Variants in IQCM observed in about 807,000 individuals in gnomAD.
The protein encoded by IQCM is IQ domain-containing protein M.
Under a neutral mutation model 57.6 loss-of-function variants are expected in IQCM, and 45 were observed. That is an observed-to-expected ratio of 0.78 (90% CI 0.62 to 1.00). The LOEUF (loss-of-function observed/expected upper bound fraction) is 1.00, where lower values mean the gene tolerates loss of function less well. IQCM is among the 50% of genes least tolerant of loss of function. The pLI is 0.00. For synonymous variants in IQCM, 148 were observed against 158.9 expected, an observed-to-expected ratio of 0.93 and a Z score of 0.51; for missense variants, 468 against 511.6, an observed-to-expected ratio of 0.91 and a Z score of 0.82.
intron 2 of IQCM, among the ~76,000 whole-genome samples, chr4:149,750,047 T>C (rs1198265438): frequency 6.6e-6 from 1 of 152,210 alleles, no homozygotes; most frequent in African/African-American, 2.4e-5. Context: ...GAGTTCCTAA[T>C]ATTTATTTGG....
chr4:149,808,160 T>C (rs566109135), intron 2 of IQCM, among the ~76,000 whole-genome samples: 3 of 152,260 alleles, frequency 2.0e-5, no homozygotes, highest in African/African-American at 7.2e-5. Flanking sequence ...AGATATGGAA[T>C]CAACCTAAGT....
intron 11 of IQCM, among the ~76,000 whole-genome samples, chr4:149,552,592 T>A (rs543863352): frequency 6.6e-6 from 1 of 152,308 alleles, no homozygotes; most frequent in East Asian, 1.9e-4. Context: ...CCATTAACTA[T>A]TATTCTGGTA....
chr4:149,559,340 G>C (rs569386480), intron 10 of IQCM, among the ~76,000 whole-genome samples: 1 of 152,096 alleles, frequency 6.6e-6, no homozygotes, highest in Non-Finnish European at 1.5e-5. Flanking sequence ...TTCTAAGAAC[G>C]TTATTAATCT....
At chr4:149,770,627 A>G (rs913807475) in intron 2 of IQCM, among the ~76,000 whole-genome samples, 1 of 152,112 alleles carries the variant, frequency 6.6e-6, no homozygotes, top group African/African-American at 2.4e-5. Flanking sequence ...ACAATAAAAT[A>G]TAATGAATGT....
chr4:149,649,166 C>G (rs1355944681), intron 7 of IQCM, among the ~76,000 whole-genome samples: 3 of 151,936 alleles, frequency 2.0e-5, no homozygotes, highest in Non-Finnish European at 4.4e-5. Context: ...AACAAAGAAT[C>G]CTCCCACCCC....
intron 12 of IQCM, among the ~76,000 whole-genome samples, chr4:149,457,288 C>A (rs1737803560): frequency 6.6e-6 from 1 of 152,056 alleles, no homozygotes; most frequent in South Asian, 2.1e-4. Context: ...CAGATGTACA[C>A]AGGCCCTGGA....
intron 13 of IQCM, among the ~76,000 whole-genome samples, chr4:149,398,560 G>A (rs1018738595): frequency 2.6e-5 from 4 of 151,936 alleles, no homozygotes; most frequent in Admixed American, 2.6e-4. Context: ...TAGTTTTTCA[G>A]TATGTTAGTC....
intron 13 of IQCM, among the ~76,000 whole-genome samples, chr4:149,361,907 A>T (rs933728267): frequency 6.6e-5 from 10 of 152,114 alleles, no homozygotes; most frequent in African/African-American, 2.4e-4. Context: ...GTGCCTGGAA[A>T]AGCTGCAGAC....
Position 149,682,148 on chromosome 4 carries a change from T to C in IQCM, c.535A>G (p.Thr179Ala). Residue 179 changes from threonine (T) to alanine (A), a missense_variant, in exon 7 of 14, where the codon ACC becomes GCC. Physicochemically the swap from Thr to Ala is moderately conservative, Grantham distance 58 (BLOSUM62 0). Transcript: ENST00000636793. ...TCTTTCAGAAGTTCCAAGTTAGAGG[T>C]CCCAGGTTGTAAGTAAAGATGGACA... is the stretch of plus-strand genomic sequence containing the variant. ...FPVHLYLQPG[T>A]SNLELLKEPD... 8.2e-7 allele frequency: 1 copy of C among 1,224,656 alleles called. No individual in the cohort carries two copies. The highest frequency in any genetic ancestry group is 1.0e-6 in the Non-Finnish European group (1 of 981,678). 75.9% of individuals were successfully genotyped at this position (1,224,656 alleles called of 1,614,324 possible). A position where few individuals can be genotyped will look rare whatever the true frequency, so the allele number is the denominator to read the frequency against.
At chr4:149,766,181 C>G (rs1216549802) in intron 2 of IQCM, among the ~76,000 whole-genome samples, 1 of 152,054 alleles carries the variant, frequency 6.6e-6, no homozygotes, top group East Asian at 1.9e-4. Context: ...TTATTGCTGT[C>G]AAATTATGCC....
intron 7 of IQCM, among the ~76,000 whole-genome samples, chr4:149,653,723 C>T (rs1466550988): frequency 6.6e-6 from 1 of 151,986 alleles, no homozygotes; most frequent in African/African-American, 2.4e-5. Context: ...GAAATGTGGA[C>T]CTGTACATTT....
At chr4:149,354,688 GTTC>G (rs778840312) in intron 13 of IQCM, among the ~76,000 whole-genome samples, 4 of 152,052 alleles carry the variant, frequency 2.6e-5, no homozygotes, top group Non-Finnish European at 4.4e-5. Flanking sequence ...CCAAGTTCAT[GTTC>G]TTATACATTT....
chr4:149,577,424 G>T (rs143194968), intron 9 of IQCM, among the ~76,000 whole-genome samples: 2 of 152,050 alleles, frequency 1.3e-5, no homozygotes, highest in African/African-American at 4.8e-5. Flanking sequence ...TGAAAGGAAT[G>T]ATCCAGTTTT....
chr4:149,551,858 G>T (rs978841933), intron 11 of IQCM, among the ~76,000 whole-genome samples: 2 of 134,454 alleles, frequency 1.5e-5, no homozygotes, highest in African/African-American at 2.9e-5. Flanking sequence ...AATGGGAGAA[G>T]GATCTTCTCT....
At chr4:149,543,213 G>C (rs1748030267) in intron 12 of IQCM, among the ~76,000 whole-genome samples, 1 of 151,714 alleles carries the variant, frequency 6.6e-6, no homozygotes, top group Admixed American at 6.6e-5. Flanking sequence ...ATACATTATA[G>C]AACATCCATA....
chr4:149,446,230 C>T (rs932769867), intron 12 of IQCM, among the ~76,000 whole-genome samples: 1 of 151,592 alleles, frequency 6.6e-6, no homozygotes, highest in African/African-American at 2.4e-5. Flanking sequence ...TTTGGTGACT[C>T]TTATGAACTC....
chr4:149,626,685 AC>A (rs893328699), intron 7 of IQCM, among the ~76,000 whole-genome samples: 73 of 152,186 alleles, frequency 4.8e-4, no homozygotes, highest in African/African-American at 1.6e-3. Flanking sequence ...ATGGTCTGTT[AC>A]CTTTGGCTGT....
chr4:149,800,541 G>A (rs1773510135), intron 2 of IQCM, among the ~76,000 whole-genome samples: 1 of 151,794 alleles, frequency 6.6e-6, no homozygotes, highest in African/African-American at 2.4e-5. Context: ...AACTGGAAAG[G>A]AAAAAGTCAA....
At chr4:149,358,593 C>A (rs756961330) in intron 13 of IQCM, among the ~76,000 whole-genome samples, 1 of 151,878 alleles carries the variant, frequency 6.6e-6, no homozygotes, top group South Asian at 2.1e-4. Context: ...TGTCATATGG[C>A]AGAATAGACT....
Sources: allele counts gnomAD v4.1 joint callset (sites outside exome capture counted in the v4.1 genomes callset), GRCh38; gene constraint gnomAD v4.1.1; transcripts MANE v1.5; gene names NCBI Gene and HGNC (gene_info 2026-07-23, HGNC 2026-07-21).